RAB28: variants seen among roughly 807,000 people sequenced by gnomAD.
The protein encoded by RAB28 is RAB28, member RAS oncogene family.
Under a neutral mutation model 31.7 loss-of-function variants are expected in RAB28, and 24 were observed. The observed-to-expected ratio is 0.76, with a 90% CI of 0.55 to 1.06. The LOEUF is 1.06. Among genes scored for constraint, RAB28 ranks in the 50% least tolerant of loss-of-function variants. The pLI, the probability that RAB28 is intolerant of heterozygous loss-of-function variation, is 0.00. For synonymous variants in RAB28, 100 were observed against 90.4 expected, an observed-to-expected ratio of 1.11 and a Z score of -0.60; for missense variants, 254 against 258.5, an observed-to-expected ratio of 0.98 and a Z score of 0.12.
At chr4:13,435,998 CA>C (rs987665913) in intron 4 of RAB28, among the ~76,000 whole-genome samples, 2 of 152,000 alleles carry the variant, frequency 1.3e-5, no homozygotes, top group African/African-American at 4.8e-5. Flanking sequence ...AGCAGCATAT[CA>C]AAAAGATAAT....
At position 13,463,798 on chromosome 4, in the gene RAB28, T is replaced by C. The variant is rs559826014; in HGVS notation, c.262-2970A>G. 2.0e-5 allele frequency among the ~76,000 whole-genome samples: 3 copies of C among 152,230 alleles called. No individual in the cohort carries two copies. The South Asian group carries it at 6.2e-4, about 32-fold the overall frequency. Reference sequence around the variant, plus strand: ...TTCTTGCCATCATAATTAGTACCACTGTGGTGAAATTCTGAGACGAAAAAG... The same window carrying C: ...TTCTTGCCATCATAATTAGTACCACCGTGGTGAAATTCTGAGACGAAAAAG... On this transcript the variant is annotated intron_variant, in intron 3 of 6. Transcript: ENST00000330852.
intron 4 of RAB28, among the ~76,000 whole-genome samples, chr4:13,413,920 G>T (rs1712598889): frequency 6.6e-6 from 1 of 152,118 alleles, no homozygotes; most frequent in Non-Finnish European, 1.5e-5. Flanking sequence ...CTTTCTCAGA[G>T]GGAAACTACA....
At chr4:13,407,688 G>A (rs1397109112) in intron 4 of RAB28, among the ~76,000 whole-genome samples, 2 of 152,190 alleles carry the variant, frequency 1.3e-5, no homozygotes, top group African/African-American at 2.4e-5. Context: ...TCCTTAAGCA[G>A]TGGTTTGTAG....
In RAB28 at chr4:13,384,358, G is replaced by A. The variant is rs142592361; in HGVS notation, c.392-2764C>T. On this transcript the variant is annotated intron_variant, in intron 4 of 6. Coordinates refer to ENST00000330852, the MANE Select transcript of RAB28 (RefSeq NM_001017979.3). ...GCTAGCACCCTGCTGCAGTTGATGA[G>A]TGTGTACCCCACCGTGCTGCTGCTG... Among the ~76,000 whole-genome samples the A allele has an allele frequency of 4.6e-3, 706 of 152,290 alleles. 6 individuals carry two copies. The highest frequency in any genetic ancestry group is 0.016 in the African/African-American group (664 of 41,566).
chr4:13,419,104 C>A (rs965017196), intron 4 of RAB28, among the ~76,000 whole-genome samples: 2 of 151,836 alleles, frequency 1.3e-5, no homozygotes, highest in African/African-American at 4.8e-5. Context: ...GCAATCCTAG[C>A]CTTTGATAAA....
chr4:13,448,313 A>T (rs1424158545), intron 4 of RAB28, among the ~76,000 whole-genome samples: 2 of 152,132 alleles, frequency 1.3e-5, no homozygotes, highest in Non-Finnish European at 2.9e-5. Context: ...TCAAAGATTC[A>T]TCCTAAAAGA....
chr4:13,385,227 T>C (rs1022826860), intron 4 of RAB28, among the ~76,000 whole-genome samples: 8 of 152,182 alleles, frequency 5.3e-5, no homozygotes, highest in African/African-American at 1.7e-4. Flanking sequence ...CCACAACTCA[T>C]TGGTGTCCCT....
intron 4 of RAB28, among the ~76,000 whole-genome samples, chr4:13,404,782 T>C (rs1416414381): frequency 6.6e-6 from 1 of 152,158 alleles, no homozygotes. Context: ...TGATGTCCAT[T>C]TTTAAACCAA....
At chr4:13,396,522 AAAT>A (rs1268270960) in intron 4 of RAB28, among the ~76,000 whole-genome samples, 5 of 152,078 alleles carry the variant, frequency 3.3e-5, no homozygotes, top group Admixed American at 2.6e-4. Context: ...AGAAAATAAA[AAAT>A]TAGCAGAACT....
chr4:13,482,289 A>C (rs1716639254), intron 1 of RAB28, among the ~76,000 whole-genome samples: 3 of 152,198 alleles, frequency 2.0e-5, no homozygotes, highest in Admixed American at 1.3e-4. Context: ...AGGCTAAATA[A>C]AAAACTCAGA....
At chr4:13,474,478 G>A in intron 2 of RAB28, 72 bp from the exon 3 acceptor site, 1 of 884,868 alleles carries the variant, frequency 1.1e-6, no homozygotes, top group South Asian at 1.7e-5. Context: ...AAGTGACACA[G>A]TATCACAGAA....
At chr4:13,372,164 A>G (rs1158011654) in intron 6 of RAB28, among the ~76,000 whole-genome samples, 1 of 152,150 alleles carries the variant, frequency 6.6e-6, no homozygotes, top group Non-Finnish European at 1.5e-5. Context: ...TAAATAATGC[A>G]TAATCTCTGT....
chr4:13,415,407 G>A (rs1405518230), intron 4 of RAB28, among the ~76,000 whole-genome samples: 2 of 152,118 alleles, frequency 1.3e-5, no homozygotes, highest in Non-Finnish European at 2.9e-5. Flanking sequence ...AGGGAGAGGC[G>A]CAGGCGGGAA....
chr4:13,428,003 G>C (rs1713603976), intron 4 of RAB28, among the ~76,000 whole-genome samples: 1 of 152,150 alleles, frequency 6.6e-6, no homozygotes, highest in African/African-American at 2.4e-5. Flanking sequence ...GGGGGTCCAC[G>C]TGAGAGTGTC....
intron 4 of RAB28, among the ~76,000 whole-genome samples, chr4:13,382,798 A>T (rs1729190500): frequency 6.7e-6 from 1 of 149,786 alleles, no homozygotes; most frequent in Non-Finnish European, 1.5e-5. Flanking sequence ...TCCTGGGTTC[A>T]AGCAATTCTC....
chr4:13,452,859 G>A (rs182986272), intron 4 of RAB28, among the ~76,000 whole-genome samples: 1 of 152,180 alleles, frequency 6.6e-6, no homozygotes, highest in Admixed American at 6.5e-5. Context: ...GTCCAATGCT[G>A]AGAGTAGGGT....
chr4:13,390,103 G>C (rs2108889735), intron 4 of RAB28, among the ~76,000 whole-genome samples: 1 of 152,260 alleles, frequency 6.6e-6, no homozygotes, highest in African/African-American at 2.4e-5. Context: ...ATTAGGAAAA[G>C]AGGAAGTCAA....
chr4:13,474,273 A>G, intron 3 of RAB28, 45 bp downstream of exon 3: 1 of 1,270,684 alleles, frequency 7.9e-7, no homozygotes, highest in Admixed American at 1.7e-5. Flanking sequence ...TGTGCTTGTA[A>G]GTGGTATACT....
intron 4 of RAB28, among the ~76,000 whole-genome samples, chr4:13,437,168 T>G (rs1714165569): frequency 6.6e-6 from 1 of 152,062 alleles, no homozygotes; most frequent in African/African-American, 2.4e-5. Flanking sequence ...TACAGAAGAA[T>G]GAAACTGAAA....
Sources: gnomAD v4.1 joint callset for allele counts (sites outside exome capture counted in the v4.1 genomes callset) on GRCh38, gnomAD v4.1.1 for gene constraint, MANE v1.5 for transcripts, NCBI Gene and HGNC (gene_info 2026-07-23, HGNC 2026-07-21) for gene names.